Variants in ZBTB16 observed in about 807,000 individuals in gnomAD.
ZBTB16 encodes the protein zinc finger and BTB domain-containing protein 16.
In ZBTB16, 8 loss-of-function variants were observed where a neutral mutation model predicts 56.8. That is an observed-to-expected ratio of 0.14 (90% CI 0.08 to 0.25). The LOEUF (loss-of-function observed/expected upper bound fraction) is 0.25, where lower values mean the gene tolerates loss of function less well. ZBTB16 is among the 10% of genes least tolerant of loss of function. ZBTB16 has a pLI of 1.00. For missense variants in ZBTB16, 625 were observed against 903.0 expected (o/e 0.69, Z 3.95); for synonymous variants, 363 against 368.5 (o/e 0.98, Z 0.17).
intron 2 of ZBTB16, among the ~76,000 whole-genome samples, chr11:114,107,557 G>A (rs1940840303): frequency 1.3e-5 from 2 of 152,186 alleles, no homozygotes; most frequent in Non-Finnish European, 2.9e-5. Flanking sequence ...GCCTACCAAA[G>A]TGATTACTGT....
chr11:114,188,068 G>A (rs1218941814), intron 4 of ZBTB16: 3 of 153,792 alleles, frequency 2.0e-5, no homozygotes, highest in African/African-American at 7.2e-5. Flanking sequence ...ATATTATAAT[G>A]TAATAATAGA....
intron 3 of ZBTB16, among the ~76,000 whole-genome samples, chr11:114,172,952 G>A (rs1260664644): frequency 6.6e-6 from 1 of 152,140 alleles, no homozygotes; most frequent in African/African-American, 2.4e-5. Flanking sequence ...GAAAAGTGTG[G>A]CATCTTAAGG....
rs767413144 is a variant in ZBTB16, at chr11:114,242,314, A to G, written c.1601A>G (p.Lys534Arg). ...NRTFPSHTAL[K>R]RHLRSHTGDH... Reference sequence around the variant, plus strand: ...ACCTTCCCCAGCCACACGGCTCTCAAACGCCACCTGCGCTCACATACAGGT... The same window carrying G: ...ACCTTCCCCAGCCACACGGCTCTCAGACGCCACCTGCGCTCACATACAGGT... Residue 534 changes from lysine to arginine, a missense_variant, in exon 5 of 7, where the codon AAA becomes AGA. By Grantham distance (26) the Lys-to-Arg change is conservative. This residue lies in a region of ZBTB16 where 140 missense variants were observed against 214.8 expected (regional missense o/e 0.65). Coordinates refer to ENST00000335953, the MANE Select transcript of ZBTB16 (RefSeq NM_006006.6). 1 of 1,613,876 alleles carries G rather than the reference A, an allele frequency of 6.2e-7. No homozygotes were observed. Among genetic ancestry groups the G allele is most frequent in the Non-Finnish European group, 8.5e-7 (1 of 1,180,032 alleles).
At chr11:114,235,676 T>TTCTC (rs1165933951) in intron 4 of ZBTB16, among the ~76,000 whole-genome samples, 1 of 21,570 alleles carries the variant, frequency 4.6e-5, no homozygotes, top group East Asian at 3.1e-3. Context: ...CTTTCTTTCT[T>TTCTC]TCTTTCTTTC....
intron 4 of ZBTB16, among the ~76,000 whole-genome samples, chr11:114,191,305 A>T (rs1943488734): frequency 6.6e-6 from 1 of 152,210 alleles, no homozygotes; most frequent in African/African-American, 2.4e-5. Flanking sequence ...GTCTCATAAG[A>T]TTATAATACC....
chr11:114,183,564 T>G (rs1237143779), intron 3 of ZBTB16, among the ~76,000 whole-genome samples: 1 of 152,180 alleles, frequency 6.6e-6, no homozygotes, highest in Non-Finnish European at 1.5e-5. Flanking sequence ...CCGATTGGAG[T>G]GCCCTCCCCT....
intron 3 of ZBTB16, among the ~76,000 whole-genome samples, chr11:114,184,500 A>G (rs1221034545): frequency 6.6e-6 from 1 of 152,148 alleles, no homozygotes; most frequent in African/African-American, 2.4e-5. Context: ...TATCCACAAA[A>G]CATCTTTGCA....
chr11:114,212,345 T>C (rs1411620184), intron 4 of ZBTB16, among the ~76,000 whole-genome samples: 1 of 152,122 alleles, frequency 6.6e-6, no homozygotes, highest in Non-Finnish European at 1.5e-5. Context: ...AGGGGCTTTG[T>C]TGTGCCTCTC....
At chr11:114,210,198 C>T (rs946689969) in intron 4 of ZBTB16, among the ~76,000 whole-genome samples, 8 of 126,306 alleles carry the variant, frequency 6.3e-5, no homozygotes, top group Non-Finnish European at 1.3e-4. Flanking sequence ...TGTGTGCGTG[C>T]GCGCGCGTGC....
intron 2 of ZBTB16, among the ~76,000 whole-genome samples, chr11:114,105,041 C>T (rs548023531): frequency 6.6e-6 from 1 of 152,302 alleles, no homozygotes; most frequent in East Asian, 1.9e-4. Context: ...GTGGAAGGCA[C>T]ATTTGCAAAA....
chr11:114,195,998 A>C (rs867136108), intron 4 of ZBTB16, among the ~76,000 whole-genome samples: 1 of 152,202 alleles, frequency 6.6e-6, no homozygotes, highest in East Asian at 1.9e-4. Context: ...AGTGCAGTTG[A>C]AAGAAGTGAG....
At chr11:114,133,634 A>G (rs1019434093) in intron 2 of ZBTB16, among the ~76,000 whole-genome samples, 3 of 152,114 alleles carry the variant, frequency 2.0e-5, no homozygotes, top group African/African-American at 7.2e-5. Context: ...GACCCCACGC[A>G]TAAGGCAGGA....
At chr11:114,100,447 C>A (rs1002306305) in intron 2 of ZBTB16, among the ~76,000 whole-genome samples, 1 of 152,170 alleles carries the variant, frequency 6.6e-6, no homozygotes, top group Non-Finnish European at 1.5e-5. Flanking sequence ...TCTATGCCCC[C>A]TACTCCCCAG....
intron 4 of ZBTB16, among the ~76,000 whole-genome samples, chr11:114,241,508 C>G (rs1944702332): frequency 6.6e-6 from 1 of 152,176 alleles, no homozygotes; most frequent in Non-Finnish European, 1.5e-5. Context: ...GCTGCACACT[C>G]CTTATGAGAG....
chr11:114,220,818 A>C (rs1275411357), intron 4 of ZBTB16, among the ~76,000 whole-genome samples: 1 of 152,248 alleles, frequency 6.6e-6, no homozygotes, highest in Admixed American at 6.5e-5. Context: ...GAGCTGGGGT[A>C]GGGATGCACA....
intron 2 of ZBTB16, among the ~76,000 whole-genome samples, chr11:114,153,488 G>A (rs1463936257): frequency 1.3e-5 from 2 of 152,218 alleles, no homozygotes; most frequent in South Asian, 2.1e-4. Flanking sequence ...TGAAGGCAGC[G>A]AAATGCATGA....
chr11:114,249,606 A>C (rs1457824087), intron 6 of ZBTB16, among the ~76,000 whole-genome samples: 1 of 145,452 alleles, frequency 6.9e-6, no homozygotes, highest in East Asian at 2.0e-4. Context: ...TCTACTAAAA[A>C]TACAAAAAAT....
intron 2 of ZBTB16, among the ~76,000 whole-genome samples, chr11:114,091,972 G>T (rs1014874433): frequency 3.3e-5 from 5 of 152,218 alleles, no homozygotes; most frequent in African/African-American, 1.2e-4. Flanking sequence ...AGACCAGGCT[G>T]GGCCTCACCC....
At chr11:114,071,245 C>CT (rs200152337) in intron 2 of ZBTB16, among the ~76,000 whole-genome samples, 8 of 48,212 alleles carry the variant, frequency 1.7e-4, no homozygotes, top group African/African-American at 3.9e-4. Flanking sequence ...TGTGTTCTGA[C>CT]TTTTTTTTTT....
Sources: gnomAD v4.1 joint callset for allele counts (sites outside exome capture counted in the v4.1 genomes callset) on GRCh38, gnomAD v4.1.1 for gene constraint, gnomAD v4.1.1 regional missense constraint, MANE v1.5 for transcripts, NCBI Gene and HGNC (gene_info 2026-07-23, HGNC 2026-07-21) for gene names.